The following LTBP1 variants were observed in gnomAD, a reference collection of about 807,000 sequenced individuals.
LTBP1 encodes the protein latent-transforming growth factor beta-binding protein 1.
A neutral mutation model predicts 207.6 loss-of-function variants in LTBP1; 129 were observed. The ratio of observed to expected loss-of-function variants is 0.62; its 90% CI spans 0.54 to 0.72. The LOEUF (loss-of-function observed/expected upper bound fraction) is 0.72. LTBP1 is among the 30% of genes least tolerant of loss of function. The pLI is 0.00. For missense variants in LTBP1, 2,281 were observed against 2,217.2 expected (o/e 1.03, Z -0.58); for synonymous variants, 963 against 833.7 (o/e 1.16, Z -2.67).
At chr2:33,266,308 A>C (rs959397207) in intron 15 of LTBP1, among the ~76,000 whole-genome samples, 1 of 152,230 alleles carries the variant, frequency 6.6e-6, no homozygotes, top group African/African-American at 2.4e-5. Flanking sequence ...AGCTGAGGGT[A>C]AGCTGAGGGT....
Position 33,263,402 on chromosome 2 carries a change from G to T in LTBP1, c.2617+10G>T. ...CCTACTCAAGTGACAGGTTGGTGCA[G>T]TATTTTTACATTATATATCACATGG... On this transcript the variant is annotated intron_variant, in intron 15 of 33. Transcript: ENST00000404816. The T allele has an allele frequency of 6.2e-7, 1 of 1,602,002 alleles. No individual in the cohort carries two copies. Among genetic ancestry groups the T allele is most frequent in the Non-Finnish European group, 8.5e-7 (1 of 1,169,714 alleles).
At chr2:33,356,292 G>T (rs2094858779) in intron 26 of LTBP1, among the ~76,000 whole-genome samples, 1 of 152,188 alleles carries the variant, frequency 6.6e-6, no homozygotes, top group South Asian at 2.1e-4. Context: ...GATCTGGTGA[G>T]TTTCAGTTCT....
intron 3 of LTBP1, among the ~76,000 whole-genome samples, chr2:33,086,614 CAG>C (rs1233566014): frequency 3.3e-5 from 5 of 152,228 alleles, no homozygotes; most frequent in African/African-American, 1.2e-4. Context: ...CTAGTGAACA[CAG>C]GGTTCAGCTG....
chr2:33,334,784 A>G (rs898909459), intron 24 of LTBP1, among the ~76,000 whole-genome samples: 1 of 152,030 alleles, frequency 6.6e-6, no homozygotes, highest in African/African-American at 2.4e-5. Flanking sequence ...AGAATAATTT[A>G]AGTAGGCTGG....
At chr2:33,202,983 C>A (rs2367623) in intron 7 of LTBP1, among the ~76,000 whole-genome samples, 64,365 of 152,086 alleles carry the variant, frequency 0.42, 14,092 homozygotes, top group Non-Finnish European at 0.48. Context: ...ACACCAGGCA[C>A]TTCCTATGCC....
At chr2:33,313,184 A>G (rs1180423002) in intron 23 of LTBP1, among the ~76,000 whole-genome samples, 2 of 152,234 alleles carry the variant, frequency 1.3e-5, no homozygotes, top group Non-Finnish European at 2.9e-5. Flanking sequence ...TGAAATATCT[A>G]AAAACTAGTG....
Position 33,227,978 on chromosome 2 carries a change from T to C in LTBP1, c.1876+5827T>C, listed in dbSNP as rs528213294. Among the ~76,000 whole-genome samples, 72 of 152,044 alleles carry C rather than the reference T, an allele frequency of 4.7e-4. No individual in the cohort carries two copies. The East Asian group carries it at 0.012, about 25-fold the overall frequency. On this transcript the variant is annotated intron_variant, in intron 9 of 33. Coordinates refer to ENST00000404816, the MANE Select transcript of LTBP1 (RefSeq NM_206943.4). ...CACCACCATGCCTGGCTACTTTTTT[T>C]ATATTTTCAGTAGAGACGGGGTTTC...
At chr2:33,048,467 A>G (rs1222420535) in intron 3 of LTBP1, among the ~76,000 whole-genome samples, 1 of 152,392 alleles carries the variant, frequency 6.6e-6, no homozygotes, top group East Asian at 1.9e-4. Context: ...TTGATGCCTA[A>G]TAGCATTGCT....
At chr2:33,153,639 C>A (rs2083717515) in intron 5 of LTBP1, among the ~76,000 whole-genome samples, 1 of 152,166 alleles carries the variant, frequency 6.6e-6, no homozygotes, top group South Asian at 2.1e-4. Context: ...TAAGGAAAAT[C>A]ATTTTTATAA....
intron 5 of LTBP1, among the ~76,000 whole-genome samples, chr2:33,149,199 A>G (rs910220739): frequency 1.5e-5 from 2 of 137,676 alleles, no homozygotes; most frequent in Non-Finnish European, 3.1e-5. Context: ...TGGGTGACAG[A>G]GCGAGACTCC....
At chr2:33,066,267 T>C (rs1572466971) in intron 3 of LTBP1, among the ~76,000 whole-genome samples, 1 of 152,238 alleles carries the variant, frequency 6.6e-6, no homozygotes, top group South Asian at 2.1e-4. Flanking sequence ...CTCACTTGTT[T>C]ATATGTTGTC....
intron 24 of LTBP1, among the ~76,000 whole-genome samples, chr2:33,332,300 A>G (rs1213096974): frequency 1.5e-5 from 2 of 132,550 alleles, no homozygotes; most frequent in Non-Finnish European, 3.1e-5. Flanking sequence ...TGGGAGGCTG[A>G]GGTGGGAGGA....
chr2:33,140,640 TTTTA>T lies in LTBP1; in HGVS notation c.1201+5692_1201+5695del, dbSNP rs1286499728. The stretch of plus-strand genomic sequence containing the variant: ...AATGTCATAATGTAGAGCATTTTCC[TTTTA>T]TTTATTTATTTTATTAATTAATTAA... On this transcript the variant is annotated intron_variant, in intron 5 of 33. Coordinates refer to ENST00000404816, the MANE Select transcript of LTBP1 (RefSeq NM_206943.4). Among the ~76,000 whole-genome samples, 128 of 150,986 alleles carry T rather than the reference TTTTA, an allele frequency of 8.5e-4. 1 individual carries two copies. Among genetic ancestry groups the T allele is most frequent in the African/African-American group, 2.7e-3 (111 of 41,246 alleles).
At chr2:33,214,023 A>C (rs1385319313) in intron 7 of LTBP1, among the ~76,000 whole-genome samples, 1 of 152,252 alleles carries the variant, frequency 6.6e-6, no homozygotes, top group African/African-American at 2.4e-5. Flanking sequence ...ATCCAAGGTG[A>C]AAATTGGATT....
At chr2:33,145,252 A>G (rs1258965141) in intron 5 of LTBP1, among the ~76,000 whole-genome samples, 1 of 151,746 alleles carries the variant, frequency 6.6e-6, no homozygotes, top group Admixed American at 6.6e-5. Flanking sequence ...TTTTCCTAAG[A>G]TTTGGTTGGG....
chr2:33,281,706 G>A (rs1385807325), intron 19 of LTBP1, among the ~76,000 whole-genome samples: 1 of 152,186 alleles, frequency 6.6e-6, no homozygotes, highest in Non-Finnish European at 1.5e-5. Context: ...TGCTGATGGA[G>A]TTGTGAGATG....
At chr2:33,209,430 C>T (rs962022220) in intron 7 of LTBP1, among the ~76,000 whole-genome samples, 16 of 152,084 alleles carry the variant, frequency 1.1e-4, no homozygotes. Flanking sequence ...CAAGTACGAT[C>T]GTGATGTCCC....
At chr2:33,021,305 A>G in intron 3 of LTBP1, 99 bp downstream of exon 3, 1 of 1,111,662 alleles carries the variant, frequency 9.0e-7, no homozygotes, top group Non-Finnish European at 1.3e-6. Flanking sequence ...AATTTGCAGA[A>G]ATCACTTGGA....
At chr2:33,377,043 A>C (rs2095149309) in intron 31 of LTBP1, among the ~76,000 whole-genome samples, 1 of 152,228 alleles carries the variant, frequency 6.6e-6, no homozygotes, top group South Asian at 2.1e-4. Context: ...ATCCTATTGT[A>C]GTCATTGAAA....
Sources: allele counts gnomAD v4.1 joint callset (sites outside exome capture counted in the v4.1 genomes callset), GRCh38; gene constraint gnomAD v4.1.1; transcripts MANE v1.5; gene names NCBI Gene and HGNC (gene_info 2026-07-23, HGNC 2026-07-21).